PAX8: variants seen among roughly 807,000 people sequenced by gnomAD.
PAX8 encodes paired box 8.
Under a neutral mutation model 52.4 loss-of-function variants are expected in PAX8, and 15 were observed. The observed-to-expected ratio is 0.29, with a 90% confidence interval of 0.19 to 0.44. PAX8 has a LOEUF of 0.44. Among genes scored for constraint, PAX8 ranks in the 20% least tolerant of loss-of-function variants. The pLI is 1.00. For synonymous variants in PAX8, 284 were observed against 249.7 expected (o/e 1.14, Z -1.29); for missense variants, 554 against 602.5 (o/e 0.92, Z 0.84).
intron 2 of PAX8, chr2:113,273,747 T>A (rs775583701): frequency 1.3e-5 from 2 of 151,394 alleles, no homozygotes; most frequent in Non-Finnish European, 2.9e-5. Context: ...AATTTTCCAT[T>A]ACTAAACTCT....
rs372117368 is a variant in PAX8, at chr2:113,216,219, C to T, written c.*2314G>A. ...CTCTCAGATGTCATGGATTCGGAGTCGCGCTGCAGAGGGAAGTTCTGCCAT... is the reference window on the plus strand; with the variant it reads ...CTCTCAGATGTCATGGATTCGGAGTTGCGCTGCAGAGGGAAGTTCTGCCAT... On this transcript the variant is annotated 3_prime_UTR_variant, in exon 12 of 12. Transcript: ENST00000429538. 4.8e-5 allele frequency: 11 copies of T among 231,020 alleles called. No homozygotes were observed. The highest frequency in any genetic ancestry group is 3.6e-4 in the South Asian group (2 of 5,510). The allele number at this position is 231,020 out of a possible 1,614,324, so 14.3% of individuals were successfully genotyped here. A position where few individuals can be genotyped will look rare whatever the true frequency, so the allele number is the denominator to read the frequency against.
At chr2:113,220,836 C>T (rs992591393) in intron 10 of PAX8, among the ~76,000 whole-genome samples, 1 of 152,164 alleles carries the variant, frequency 6.6e-6, no homozygotes, top group Non-Finnish European at 1.5e-5. Context: ...GTTGTTCCAT[C>T]CTGAGTCTGC....
At chr2:113,224,547 C>CA (rs1250640219) in intron 10 of PAX8, among the ~76,000 whole-genome samples, 774 of 51,856 alleles carry the variant, frequency 0.015, 4 homozygotes, top group African/African-American at 0.033. Context: ...ACTCCGTCTC[C>CA]AAAAAAAAAA....
At chr2:113,241,373 A>G (rs1026783380) in intron 7 of PAX8, 178 bp downstream of exon 7, 1 of 712,292 alleles carries the variant, frequency 1.4e-6, no homozygotes, top group Non-Finnish European at 2.5e-6. Flanking sequence ...AAAGGGAGGA[A>G]GATGCCAGGG....
chr2:113,248,313 G>A (rs961309922), intron 2 of PAX8, among the ~76,000 whole-genome samples: 3 of 152,198 alleles, frequency 2.0e-5, no homozygotes, highest in African/African-American at 7.2e-5. Context: ...GCTCCTTGAG[G>A]GGAGCCCTGT....
At chr2:113,222,668 T>C (rs1398386204) in intron 10 of PAX8, among the ~76,000 whole-genome samples, 1 of 152,182 alleles carries the variant, frequency 6.6e-6, no homozygotes, top group East Asian at 1.9e-4. Context: ...TGCAAACATA[T>C]TCTGCTATCT....
At chr2:113,235,228 G>A (rs1690178366) in intron 9 of PAX8, 166 bp downstream of exon 9, 7 of 609,144 alleles carry the variant, frequency 1.1e-5, no homozygotes, top group South Asian at 2.0e-5. Context: ...TGTCTTCCCC[G>A]TCACAGAGAA....
chr2:113,218,527 T>A lies in PAX8; in HGVS notation c.*6A>T. 6.5e-7 allele frequency: 1 copy of A among 1,541,088 alleles called. No homozygotes were observed. Among genetic ancestry groups the A allele is most frequent in the Non-Finnish European group, 8.8e-7 (1 of 1,139,608 alleles). ...TGCTCAGTCGCTCCCACTGTCCCCA[T>A]GGCAACTACAGATGGTCAAAGGCCG... On this transcript the variant is annotated 3_prime_UTR_variant, in exon 12 of 12. Coordinates refer to ENST00000429538, the MANE Select transcript of PAX8 (RefSeq NM_003466.4).
chr2:113,234,198 T>A (rs1690099144), intron 9 of PAX8, among the ~76,000 whole-genome samples: 1 of 152,272 alleles, frequency 6.6e-6, no homozygotes, highest in Admixed American at 6.5e-5. Flanking sequence ...TGGAAGCCCT[T>A]GAGGTATCTG....
chr2:113,218,361 G>T lies in PAX8; in HGVS notation c.*172C>A. 2 of 471,288 alleles carry T rather than the reference G, an allele frequency of 4.2e-6. No individual in the cohort carries two copies. The highest frequency in any genetic ancestry group is 7.5e-6 in the Non-Finnish European group (2 of 266,746). The allele number at this position is 471,288 out of a possible 1,614,324, so 29.2% of individuals were successfully genotyped here. A position where few individuals can be genotyped will look rare whatever the true frequency, so the allele number is the denominator to read the frequency against. On this transcript the variant is annotated 3_prime_UTR_variant, in exon 12 of 12. Transcript: ENST00000429538. ...GGAGGACAGTTTGGCCTTGTCCAAG[G>T]TCATCCTGTCTTTCATGGTTCATTA...
intron 9 of PAX8, among the ~76,000 whole-genome samples, chr2:113,229,293 T>C (rs1258977638): frequency 3.3e-5 from 5 of 152,096 alleles, no homozygotes; most frequent in African/African-American, 1.2e-4. Flanking sequence ...AAAAAAAACA[T>C]AGCTGTAGGC....
chr2:113,251,098 T>C (rs1691722888), intron 2 of PAX8, among the ~76,000 whole-genome samples: 1 of 152,252 alleles, frequency 6.6e-6, no homozygotes, highest in African/African-American at 2.4e-5. Flanking sequence ...GCCTGCTGGC[T>C]GCAGATGGAG....
chr2:113,260,048 G>C (rs976820775), intron 2 of PAX8, among the ~76,000 whole-genome samples: 1 of 152,054 alleles, frequency 6.6e-6, no homozygotes, highest in Non-Finnish European at 1.5e-5. Context: ...TTTTTTAATG[G>C]GTTTATATTA....
At chr2:113,273,034 C>T (rs1693569889) in intron 2 of PAX8, 1 of 152,160 alleles carries the variant, frequency 6.6e-6, no homozygotes, top group South Asian at 2.1e-4. Flanking sequence ...TTTCTTTTAT[C>T]TTTTGGCTTC....
chr2:113,242,614 C>T (rs1278504877), intron 5 of PAX8, 76 bp downstream of exon 5: 3 of 963,698 alleles, frequency 3.1e-6, no homozygotes, highest in Non-Finnish European at 5.1e-6. Context: ...CTGTGTGTGC[C>T]TCTGTGTATA....
In PAX8 at chr2:113,217,230, C is replaced by T. The variant is rs1478731957; in HGVS notation, c.*1303G>A. 8.7e-6 allele frequency: 2 copies of T among 229,360 alleles called. No individual in the cohort carries two copies. The highest frequency in any genetic ancestry group is 1.7e-5 in the Non-Finnish European group (2 of 115,464). The allele number at this position is 229,360 out of a possible 1,614,324, so 14.2% of individuals were successfully genotyped here. A position where few individuals can be genotyped will look rare whatever the true frequency, so the allele number is the denominator to read the frequency against. On this transcript the variant is annotated 3_prime_UTR_variant, in exon 12 of 12. Coordinates refer to ENST00000429538, the MANE Select transcript of PAX8 (RefSeq NM_003466.4). ...GCAGAGGGAGAAGGCCAAGCCAGAG[C>T]TCTGGGGCATCAGATGGTCCCTTCC...
At position 113,242,052 on chromosome 2, in the gene PAX8, A is replaced by G. The variant is rs1195873163; in HGVS notation, c.557T>C (p.Leu186Pro). The change falls in exon 6 of 12, where the codon CTG becomes CCG. Residue 186 changes from leucine (L) to proline (P), a missense_variant. Coordinates refer to ENST00000429538, the MANE Select transcript of PAX8 (RefSeq NM_003466.4). ...GTCGCTGCCAGGCTGAGCGATGCCC[A>G]GGAGCCCATTGATGGAGTAGGTGGA... ...LGSTYSINGL[L>P]GIAQPGSDKR... 6 of 1,613,672 alleles carry G rather than the reference A, an allele frequency of 3.7e-6. No individual in the cohort carries two copies. Among genetic ancestry groups the G allele is most frequent in the Non-Finnish European group, 5.1e-6 (6 of 1,179,860 alleles).
intron 2 of PAX8, chr2:113,273,013 A>G (rs908941899): frequency 6.6e-6 from 1 of 152,168 alleles, no homozygotes; most frequent in Non-Finnish European, 1.5e-5. Flanking sequence ...TTTTTTTCTT[A>G]AATGAAACAG....
At chr2:113,224,646 T>C (rs1689446024) in intron 10 of PAX8, among the ~76,000 whole-genome samples, 1 of 149,470 alleles carries the variant, frequency 6.7e-6, no homozygotes, top group Middle Eastern at 3.2e-3. Flanking sequence ...GAAGGATAGA[T>C]GGGAAAATGC....
Sources: allele counts gnomAD v4.1 joint callset (sites outside exome capture counted in the v4.1 genomes callset), GRCh38; gene constraint gnomAD v4.1.1; transcripts MANE v1.5; gene names NCBI Gene and HGNC (gene_info 2026-07-23, HGNC 2026-07-21).